The following AKNA variants were observed in gnomAD, a reference collection of about 807,000 sequenced individuals.
The protein encoded by AKNA is microtubule organization protein AKNA.
A neutral mutation model predicts 138.8 loss-of-function variants in AKNA; 67 were observed. The observed-to-expected ratio is 0.48, with a 90% CI of 0.40 to 0.59. The LOEUF (loss-of-function observed/expected upper bound fraction) is 0.59, where lower values mean the gene tolerates loss of function less well. Ranked by LOEUF, AKNA falls within the 20% of genes least tolerant of loss-of-function variation. AKNA has a pLI of 0.00. For synonymous variants in AKNA, 737 were observed against 754.4 expected (o/e 0.98, Z 0.38); for missense variants, 1,813 against 1,880.4 (o/e 0.96, Z 0.66).
At chr9:114,366,700 G>GGAGGGGAGGAGAGAA (rs1832385091) in intron 6 of AKNA, among the ~76,000 whole-genome samples, 2 of 150,372 alleles carry the variant, frequency 1.3e-5, no homozygotes, top group African/African-American at 4.9e-5. Context: ...GGAGAGGAGG[G>GGAGGGGAGGAGAGAA]GAGGGGAGGA....
chr9:114,393,492 T>A (rs1834429550), intron 1 of AKNA, among the ~76,000 whole-genome samples: 1 of 151,974 alleles, frequency 6.6e-6, no homozygotes, highest in African/African-American at 2.4e-5. Flanking sequence ...CCCAAAGTGC[T>A]GGGATTACAG....
At chr9:114,353,246 A>G (rs1172879894) in intron 14 of AKNA, among the ~76,000 whole-genome samples, 3 of 147,846 alleles carry the variant, frequency 2.0e-5, no homozygotes, top group African/African-American at 7.5e-5. Context: ...CACATATAAA[A>G]TGATCTTATT....
chr9:114,351,040 A>G lies in AKNA; in HGVS notation c.3059-19T>C, dbSNP rs1831082728. The G allele has an allele frequency of 6.2e-7, 1 of 1,611,438 alleles. No individual in the cohort carries two copies. The highest frequency in any genetic ancestry group is 1.1e-5 in the South Asian group (1 of 90,710). ...GGAACCGCTAGGGAGGCAGAGAGAG[A>G]ACCCAAAGTGAGTTTAAGCAGAGAG... On this transcript the variant is annotated intron_variant, in intron 14 of 21. Coordinates refer to ENST00000374088, the MANE Select transcript of AKNA (RefSeq NM_001317950.2).
Position 114,376,597 on chromosome 9 carries a change from C to A in AKNA, c.1210G>T (p.Val404Leu). Residue 404 changes from valine to leucine, a missense_variant, in exon 3 of 22, where the codon GTG becomes TTG. By Grantham distance (32) the Val-to-Leu change is conservative. Transcript: ENST00000374088. The stretch of plus-strand genomic sequence containing the variant: ...CCACTGCTCAACAGCACCTCCTGCA[C>A]AATCTCAGCTGGAGACTTGAAGATG... ...PLIFKSPAEI[V>L]QEVLLSSGEA... is the part of the protein sequence containing the mutation. 2 of 1,614,156 alleles carry A rather than the reference C, an allele frequency of 1.2e-6. No homozygotes were observed. Among genetic ancestry groups the A allele is most frequent in the Non-Finnish European group, 1.7e-6 (2 of 1,180,014 alleles).
At chr9:114,340,533 C>A (rs1588938988) in intron 21 of AKNA, among the ~76,000 whole-genome samples, 1 of 152,246 alleles carries the variant, frequency 6.6e-6, no homozygotes, top group Non-Finnish European at 1.5e-5. Flanking sequence ...ACAAACTCCA[C>A]ACACTTCTCA....
At chr9:114,383,780 C>G (rs1833848579) in intron 1 of AKNA, among the ~76,000 whole-genome samples, 1 of 152,214 alleles carries the variant, frequency 6.6e-6, no homozygotes, top group South Asian at 2.1e-4. Context: ...CCCCAGGGAA[C>G]AGTGCAGCCC....
rs760486499 is a variant in AKNA, at chr9:114,377,091, G to A, written c.716C>T (p.Pro239Leu). ...TALAETLPEG[P>L]SHHLLSPDGR... Reference sequence around the variant, plus strand: ...ATCTGGGCTTAGGAGGTGGTGGCTGGGGCCCTCTGGCAAGGTTTCTGCCAG... The same window carrying A: ...ATCTGGGCTTAGGAGGTGGTGGCTGAGGCCCTCTGGCAAGGTTTCTGCCAG... The change falls in exon 3 of 22, where the codon CCC (proline) becomes CTC (leucine). Residue 239 changes from proline to leucine, a missense_variant. Pro to Leu is a moderately conservative substitution (Grantham distance 98, BLOSUM62 -3). Transcript: ENST00000374088. 2 of 1,614,116 alleles carry A rather than the reference G, an allele frequency of 1.2e-6. No individual in the cohort carries two copies. The highest frequency in any genetic ancestry group is 4.5e-5 in the East Asian group (2 of 44,866).
At chr9:114,367,948 C>G (rs76927903) in intron 5 of AKNA, among the ~76,000 whole-genome samples, 4,236 of 152,362 alleles carry the variant, frequency 0.028, 63 homozygotes, top group Non-Finnish European at 0.041. Flanking sequence ...CTCTGGGTTC[C>G]CAGTCAACAG....
intron 5 of AKNA, 168 bp downstream of exon 5, chr9:114,368,271 T>C (rs1200949808): frequency 2.0e-5 from 15 of 735,460 alleles, no homozygotes; most frequent in African/African-American, 3.6e-5. Context: ...AGCAGGACAC[T>C]TTCCACATCT....
At chr9:114,353,957 C>T (rs187349765) in intron 14 of AKNA, among the ~76,000 whole-genome samples, 3 of 152,276 alleles carry the variant, frequency 2.0e-5, no homozygotes, top group Non-Finnish European at 4.4e-5. Context: ...CTGTACACTG[C>T]TGTAGACTTT....
chr9:114,381,655 GTTTTTTTT>G (rs1160552279), intron 1 of AKNA, among the ~76,000 whole-genome samples: 1 of 82,858 alleles, frequency 1.2e-5, no homozygotes, highest in African/African-American at 4.9e-5. Flanking sequence ...TCTCTCCAGG[GTTTTTTTT>G]TTTTTTTTTT....
Position 114,381,122 on chromosome 9 carries a change from C to G in AKNA, c.212G>C (p.Trp71Ser). 1 of 1,611,928 alleles carries G rather than the reference C, an allele frequency of 6.2e-7. No individual in the cohort carries two copies. Among genetic ancestry groups the G allele is most frequent in the Non-Finnish European group, 8.5e-7 (1 of 1,179,232 alleles). The change falls in exon 2 of 22, where the codon TGG (tryptophan) becomes TCG (serine). Residue 71 changes from tryptophan to serine, a missense_variant. Coordinates refer to ENST00000374088, the MANE Select transcript of AKNA (RefSeq NM_001317950.2). ...LAQQHLPPLEWDPHPQPDGHQ... is the reference protein window; with the variant it reads ...LAQQHLPPLESDPHPQPDGHQ... ...CCCATCGGGCTGCGGGTGTGGGTCC[C>G]ACTCCAGGGGCGGCAGGTGCTGCTG...
chr9:114,369,937 C>T (rs1024794226), intron 4 of AKNA, among the ~76,000 whole-genome samples: 4 of 152,204 alleles, frequency 2.6e-5, no homozygotes, highest in Admixed American at 2.0e-4. Context: ...TCACCGTTAT[C>T]GTCATCACCA....
chr9:114,393,944 G>A lies in AKNA; in HGVS notation c.-114+413C>T, dbSNP rs573532838. On this transcript the variant is annotated intron_variant, in intron 1 of 21. Coordinates refer to the AKNA transcript ENST00000307564. ...TCCCAGCATTTTGGGAGGCTGAGGC[G>A]GGAGGATCACCTGAGGTCAGGAGTT... Among the ~76,000 whole-genome samples, 534 of 152,136 alleles carry A rather than the reference G, an allele frequency of 3.5e-3. 4 individuals carry two copies. Among genetic ancestry groups the A allele is most frequent in the African/African-American group, 0.012 (508 of 41,510 alleles).
chr9:114,331,374 G>C (rs372947553), downstream of AKNA, among the ~76,000 whole-genome samples: 1 of 152,078 alleles, frequency 6.6e-6, no homozygotes, highest in African/African-American at 2.4e-5. Context: ...AGGCTCCTGA[G>C]ATCTCATGTA....
intron 14 of AKNA, among the ~76,000 whole-genome samples, chr9:114,351,590 A>C (rs1003110754): frequency 1.6e-4 from 24 of 151,828 alleles, no homozygotes; most frequent in African/African-American, 5.3e-4. Flanking sequence ...AGACGGGAGG[A>C]TTGCTTGCGC....
upstream of AKNA, among the ~76,000 whole-genome samples, chr9:114,388,450 A>G (rs998242931): frequency 6.6e-6 from 1 of 151,850 alleles, no homozygotes; most frequent in Non-Finnish European, 1.5e-5. Context: ...TCCAGCTCTG[A>G]CTCTGCCAAT....
In AKNA at chr9:114,337,013, G is replaced by A. The variant is rs1212624572; in HGVS notation, c.*41C>T. On this transcript the variant is annotated 3_prime_UTR_variant, in exon 22 of 22. Transcript: ENST00000374088. ...CCACTCCTGGCCTGGCAGGCCACCTGCCCACCCACCCACCCATCTGCCTCT... is the reference window on the plus strand; with the variant it reads ...CCACTCCTGGCCTGGCAGGCCACCTACCCACCCACCCACCCATCTGCCTCT... 4 of 1,187,538 alleles carry A rather than the reference G, an allele frequency of 3.4e-6. No homozygotes were observed. Among genetic ancestry groups the A allele is most frequent in the Non-Finnish European group, 4.3e-6 (4 of 922,730 alleles). The allele number at this position is 1,187,538 out of a possible 1,614,324, so 73.6% of individuals were successfully genotyped here. A position where few individuals can be genotyped will look rare whatever the true frequency, so the allele number is the denominator to read the frequency against.
intron 4 of AKNA, among the ~76,000 whole-genome samples, chr9:114,370,156 G>A (rs999774595): frequency 6.6e-6 from 1 of 152,254 alleles, no homozygotes; most frequent in African/African-American, 2.4e-5. Flanking sequence ...GGTCCCGGCT[G>A]TAGCCGAAAA....
Sources: gnomAD v4.1 joint callset for allele counts (sites outside exome capture counted in the v4.1 genomes callset) on GRCh38, gnomAD v4.1.1 for gene constraint, MANE v1.5 for transcripts, NCBI Gene and HGNC (gene_info 2026-07-23, HGNC 2026-07-21) for gene names.